RALGPS1: variants seen among roughly 807,000 people sequenced by gnomAD.
RALGPS1 encodes the protein ras-specific guanine nucleotide-releasing factor RalGPS1.
Under a neutral mutation model 78.8 loss-of-function variants are expected in RALGPS1, and 19 were observed. The ratio of observed to expected loss-of-function variants is 0.24; its 90% CI spans 0.17 to 0.35. The LOEUF is 0.35. Ranked by LOEUF, RALGPS1 falls within the 10% of genes least tolerant of loss-of-function variation. RALGPS1 has a pLI of 1.00. For synonymous variants in RALGPS1, 228 were observed against 256.3 expected, an observed-to-expected ratio of 0.89 and a Z score of 1.06; for missense variants, 454 against 688.3, an observed-to-expected ratio of 0.66 and a Z score of 3.81.
chr9:126,995,293 G>T (rs1020997813), intron 4 of RALGPS1, among the ~76,000 whole-genome samples: 9 of 151,994 alleles, frequency 5.9e-5, no homozygotes, highest in African/African-American at 1.9e-4. Flanking sequence ...CCCATCTCAT[G>T]TGCAGAGACA....
At chr9:127,168,509 G>A (rs1361798515) in intron 9 of RALGPS1, among the ~76,000 whole-genome samples, 170 bp from the exon 10 acceptor site, 3 of 152,224 alleles carry the variant, frequency 2.0e-5, no homozygotes, top group Non-Finnish European at 4.4e-5. Flanking sequence ...TGATCCCTCT[G>A]TTCCAGTGGC....
intron 11 of RALGPS1, among the ~76,000 whole-genome samples, chr9:127,177,111 A>C (rs1283344710): frequency 6.6e-6 from 1 of 151,496 alleles, no homozygotes; most frequent in Non-Finnish European, 1.5e-5. Context: ...TTGGATCTTT[A>C]GCACCTGGCA....
chr9:127,168,718 A>G lies in RALGPS1; in HGVS notation c.788A>G (p.Lys263Arg). The G allele has an allele frequency of 6.2e-7, 1 of 1,613,920 alleles. No individual in the cohort carries two copies. Among genetic ancestry groups the G allele is most frequent in the Non-Finnish European group, 8.5e-7 (1 of 1,179,790 alleles). Residue 263 changes from lysine to arginine, a missense_variant, in exon 10 of 19, where the codon AAG (lysine) becomes AGG (arginine). Coordinates refer to ENST00000259351, the MANE Select transcript of RALGPS1 (RefSeq NM_014636.3). ...CTGCCCCATGTGCAGAAGTACCTGA[A>G]GTCCGTACGCTACATTGAAGAGCTC... ...TTLPHVQKYL[K>R]SVRYIEELQK... is the part of the protein sequence containing the mutation.
intron 8 of RALGPS1, among the ~76,000 whole-genome samples, chr9:127,093,069 T>A (rs901927193): frequency 6.6e-6 from 1 of 152,048 alleles, no homozygotes; most frequent in Non-Finnish European, 1.5e-5. Context: ...TTAAACAAAA[T>A]AATGCACGAA....
At chr9:126,989,754 C>A in intron 4 of RALGPS1, 1 of 1,246,340 alleles carries the variant, frequency 8.0e-7, no homozygotes, top group Non-Finnish European at 1.1e-6. Flanking sequence ...ACAAAGGAGG[C>A]ATTCTGCAGA....
At chr9:127,028,336 AC>A (rs1191840646) in intron 4 of RALGPS1, among the ~76,000 whole-genome samples, 1 of 152,210 alleles carries the variant, frequency 6.6e-6, no homozygotes, top group East Asian at 1.9e-4. Flanking sequence ...ACCATCCACT[AC>A]CTGTGTGGTC....
intron 13 of RALGPS1, 113 bp downstream of exon 13, chr9:127,196,744 AC>A: frequency 7.7e-7 from 1 of 1,293,254 alleles, no homozygotes. Flanking sequence ...ATTCTTGGGG[AC>A]CCAGTGGCCC....
At chr9:127,020,751 G>A (rs776073476) in intron 4 of RALGPS1, among the ~76,000 whole-genome samples, 2 of 152,194 alleles carry the variant, frequency 1.3e-5, no homozygotes, top group Non-Finnish European at 2.9e-5. Context: ...CATAGCTACC[G>A]GCCATGGATG....
At chr9:127,193,037 G>A (rs2061157929) in intron 11 of RALGPS1, among the ~76,000 whole-genome samples, 1 of 152,222 alleles carries the variant, frequency 6.6e-6, no homozygotes, top group Non-Finnish European at 1.5e-5. Flanking sequence ...TCCATTTGCT[G>A]GGAAAAGATC....
At chr9:126,963,972 G>C (rs144280972) in intron 2 of RALGPS1, among the ~76,000 whole-genome samples, 4 of 152,328 alleles carry the variant, frequency 2.6e-5, no homozygotes, top group Non-Finnish European at 5.9e-5. Context: ...GATTCCAGCA[G>C]CATCAGGAGA....
intron 4 of RALGPS1, among the ~76,000 whole-genome samples, chr9:127,033,316 CT>C (rs781622746): frequency 2.8e-4 from 42 of 152,178 alleles, no homozygotes; most frequent in Admixed American, 1.3e-4. Flanking sequence ...CACCAAGCCC[CT>C]GTCTGTGGCT....
intron 3 of RALGPS1, among the ~76,000 whole-genome samples, chr9:126,970,889 C>T (rs1238205904): frequency 1.3e-5 from 2 of 152,068 alleles, no homozygotes; most frequent in African/African-American, 4.8e-5. Context: ...CAAAAACAGA[C>T]AAAACCTGTA....
intron 4 of RALGPS1, chr9:126,990,256 C>T: frequency 2.1e-6 from 1 of 472,742 alleles, no homozygotes; most frequent in African/African-American, 2.0e-5. Context: ...CCATCTCTCT[C>T]TGCTACACCA....
intron 18 of RALGPS1, among the ~76,000 whole-genome samples, chr9:127,215,418 G>A (rs1423315128): frequency 1.3e-5 from 2 of 152,234 alleles, no homozygotes; most frequent in African/African-American, 4.8e-5. Context: ...TCCCACGAAG[G>A]GTGTTATGCG....
chr9:127,053,149 C>T (rs2048433220), intron 7 of RALGPS1, among the ~76,000 whole-genome samples: 1 of 152,200 alleles, frequency 6.6e-6, no homozygotes, highest in South Asian at 2.1e-4. Context: ...GCTGACGTGG[C>T]TGGGGTCAGA....
At chr9:127,062,760 C>T (rs1023854625) in intron 7 of RALGPS1, among the ~76,000 whole-genome samples, 3 of 152,198 alleles carry the variant, frequency 2.0e-5, no homozygotes, top group Admixed American at 6.5e-5. Flanking sequence ...AGCCAGCACA[C>T]CACTAAATTT....
chr9:127,046,288 T>C (rs1390520695), intron 5 of RALGPS1, among the ~76,000 whole-genome samples: 2 of 152,186 alleles, frequency 1.3e-5, no homozygotes, highest in East Asian at 3.8e-4. Context: ...TTGTTAAATA[T>C]TGGCTGAGCT....
At chr9:127,119,127 G>A (rs998299689) in intron 8 of RALGPS1, among the ~76,000 whole-genome samples, 3 of 152,292 alleles carry the variant, frequency 2.0e-5, no homozygotes, top group South Asian at 2.1e-4. Context: ...ACCCAGGCAC[G>A]TGGAACAAGT....
chr9:127,174,673 A>G (rs1479533580), intron 10 of RALGPS1, 42 bp from the exon 11 acceptor site: 2 of 1,590,988 alleles, frequency 1.3e-6, no homozygotes, highest in African/African-American at 2.7e-5. Context: ...CCTGTGTGGT[A>G]AACCAGAGCC....
Sources: allele counts gnomAD v4.1 joint callset (sites outside exome capture counted in the v4.1 genomes callset), GRCh38; gene constraint gnomAD v4.1.1; transcripts MANE v1.5; gene names NCBI Gene and HGNC (gene_info 2026-07-23, HGNC 2026-07-21).